MARCHF1: variants seen among roughly 807,000 people sequenced by gnomAD.
MARCHF1 encodes the protein E3 ubiquitin-protein ligase MARCHF1.
MARCHF1 carries 40 observed loss-of-function variants against 54.2 expected under a neutral mutation model. The ratio of observed to expected loss-of-function variants is 0.74; its 90% CI spans 0.57 to 0.96. The LOEUF (loss-of-function observed/expected upper bound fraction) is 0.96. Among genes scored for constraint, MARCHF1 ranks in the 40% least tolerant of loss-of-function variants. The pLI is 0.00. For missense variants in MARCHF1, 586 were observed against 656.5 expected (o/e 0.89, Z 1.17); for synonymous variants, 236 against 236.3 (o/e 1.00, Z 0.01).
At chr4:164,383,636 G>A (rs1731442325) in intron 1 of MARCHF1, 1 of 152,286 alleles carries the variant, frequency 6.6e-6, no homozygotes, top group Non-Finnish European at 1.5e-5. Flanking sequence ...TCTCACCAGA[G>A]AGGCGCCTAC....
Position 163,895,384 on chromosome 4 carries a change from G to A in MARCHF1, c.-38-41215C>T, listed in dbSNP as rs537834589. On this transcript the variant is annotated intron_variant, in intron 3 of 9. Coordinates refer to ENST00000514618, the MANE Select transcript of MARCHF1 (RefSeq NM_001394959.1). ...CTTTCCTGAGATAGCTACACTTCCT[G>A]GATGCTTGATGAACTGGCTGAAAGG... Among the ~76,000 whole-genome samples, 79 of 152,154 alleles carry A rather than the reference G, an allele frequency of 5.2e-4. 1 individual carries two copies. The highest frequency in any genetic ancestry group is 5.6e-4 in the Non-Finnish European group (38 of 68,024).
chr4:163,907,813 G>T (rs1047714859), intron 3 of MARCHF1, among the ~76,000 whole-genome samples: 1 of 152,028 alleles, frequency 6.6e-6, no homozygotes. Context: ...CTTCACCAAG[G>T]TTTATTACTT....
intron 3 of MARCHF1, among the ~76,000 whole-genome samples, chr4:163,933,661 A>C (rs1751730355): frequency 6.6e-6 from 1 of 152,220 alleles, no homozygotes. Context: ...ATTCCCTCCC[A>C]TACTCGTCAG....
At chr4:163,813,290 T>C (rs1748444595) in intron 4 of MARCHF1, among the ~76,000 whole-genome samples, 1 of 152,206 alleles carries the variant, frequency 6.6e-6, no homozygotes, top group Non-Finnish European at 1.5e-5. Flanking sequence ...CTCAAAAATA[T>C]TGACTCAACT....
intron 4 of MARCHF1, among the ~76,000 whole-genome samples, chr4:163,758,718 A>T (rs553470563): frequency 6.6e-6 from 1 of 152,306 alleles, no homozygotes; most frequent in East Asian, 1.9e-4. Context: ...GTCCACCTTG[A>T]CACCTTGAAA....
chr4:163,771,538 A>G (rs1471514498), intron 4 of MARCHF1, among the ~76,000 whole-genome samples: 1 of 152,198 alleles, frequency 6.6e-6, no homozygotes, highest in Non-Finnish European at 1.5e-5. Context: ...GTAGAAAGAC[A>G]AATGAGCTCC....
At chr4:163,741,284 T>C (rs1746187388) in intron 4 of MARCHF1, among the ~76,000 whole-genome samples, 1 of 152,148 alleles carries the variant, frequency 6.6e-6, no homozygotes, top group Non-Finnish European at 1.5e-5. Context: ...ATTGATGTGT[T>C]AGTACCTGTA....
chr4:163,737,180 T>TATTAG, intron 4 of MARCHF1, among the ~76,000 whole-genome samples: 1 of 117,114 alleles, frequency 8.5e-6, no homozygotes, highest in Non-Finnish European at 2.1e-5. Context: ...TTTTTTTTTT[T>TATTAG]TTCACATATT....
In MARCHF1 at chr4:163,525,166, T is replaced by C. The variant is rs555153373; in HGVS notation, c.*3582A>G. ...TTTCAAGGCAAGGAAGGGTAAACTATATGGGGCAGATAGAAAAATCTTCCC... is the reference window on the plus strand; with the variant it reads ...TTTCAAGGCAAGGAAGGGTAAACTACATGGGGCAGATAGAAAAATCTTCCC... On this transcript the variant is annotated 3_prime_UTR_variant, in exon 10 of 10. Transcript: ENST00000514618. 67 of 152,290 alleles carry C rather than the reference T, an allele frequency of 4.4e-4. No homozygotes were observed. The highest frequency in any genetic ancestry group is 1.6e-3 in the African/African-American group (66 of 41,580). The allele number at this position is 152,290 out of a possible 1,614,324, so 9.4% of individuals were successfully genotyped here.
intron 4 of MARCHF1, among the ~76,000 whole-genome samples, chr4:163,835,822 A>G (rs1429498156): frequency 1.3e-5 from 2 of 152,242 alleles, no homozygotes; most frequent in Non-Finnish European, 2.9e-5. Flanking sequence ...ACAAAAGTAC[A>G]TATAACCAGT....
intron 8 of MARCHF1, among the ~76,000 whole-genome samples, chr4:163,552,810 GATCACGAGGTCAGGAGATTGAGACC>G (rs1330747405): frequency 6.6e-6 from 1 of 152,134 alleles, no homozygotes; most frequent in Non-Finnish European, 1.5e-5. Flanking sequence ...CAGGTGGGCA[GATCACGAGGTCAGGAGATTGAGACC>G]ATCCTGGCCA....
At position 163,944,979 on chromosome 4, in the gene MARCHF1, C is replaced by T. The variant is rs1359857435; in HGVS notation, c.-39+43522G>A. Among the ~76,000 whole-genome samples the T allele has an allele frequency of 3.3e-5, 5 of 152,306 alleles. No individual in the cohort carries two copies. The East Asian group carries it at 9.6e-4, about 29-fold the overall frequency. ...AAGCACAGGTTGCTGGTTCATCCTT[C>T]AATCTCCATACATCAGCTAATTGAT... On this transcript the variant is annotated intron_variant, in intron 3 of 9. Coordinates refer to ENST00000514618, the MANE Select transcript of MARCHF1 (RefSeq NM_001394959.1).
At chr4:163,910,853 G>T (rs1231128440) in intron 3 of MARCHF1, among the ~76,000 whole-genome samples, 2 of 152,148 alleles carry the variant, frequency 1.3e-5, no homozygotes, top group African/African-American at 2.4e-5. Flanking sequence ...AAGACAGTTT[G>T]AGTTACCACT....
intron 2 of MARCHF1, among the ~76,000 whole-genome samples, chr4:164,019,241 G>T (rs558564418): frequency 1.3e-5 from 2 of 152,094 alleles, no homozygotes; most frequent in African/African-American, 4.8e-5. Flanking sequence ...CTTCAATTGC[G>T]CTAGGTCTCT....
chr4:163,743,172 G>A (rs1036066616), intron 4 of MARCHF1, among the ~76,000 whole-genome samples: 2 of 152,102 alleles, frequency 1.3e-5, no homozygotes, highest in Non-Finnish European at 2.9e-5. Context: ...GAATCTGGAA[G>A]GAAACAACAG....
intron 4 of MARCHF1, among the ~76,000 whole-genome samples, chr4:163,814,841 T>A (rs779405710): frequency 7.2e-5 from 11 of 152,220 alleles, no homozygotes; most frequent in Non-Finnish European, 1.5e-4. Context: ...ATGTTGAAAT[T>A]ACATAAACAA....
At chr4:163,768,093 A>T (rs1270486847) in intron 4 of MARCHF1, among the ~76,000 whole-genome samples, 2 of 152,294 alleles carry the variant, frequency 1.3e-5, no homozygotes, top group East Asian at 3.9e-4. Context: ...TAAAAGATTT[A>T]AGAAATTTTT....
At chr4:164,348,731 T>G (rs557277741) in intron 1 of MARCHF1, among the ~76,000 whole-genome samples, 23 of 152,274 alleles carry the variant, frequency 1.5e-4, no homozygotes, top group Non-Finnish European at 3.2e-4. Context: ...GGAGACACTA[T>G]TCTCGCCTAG....
intron 1 of MARCHF1, among the ~76,000 whole-genome samples, chr4:164,270,076 C>G (rs1310259546): frequency 6.6e-6 from 1 of 152,076 alleles, no homozygotes; most frequent in Non-Finnish European, 1.5e-5. Flanking sequence ...TTTATGATGG[C>G]TTGAGAAACT....
Sources: allele counts gnomAD v4.1 joint callset (sites outside exome capture counted in the v4.1 genomes callset), GRCh38; gene constraint gnomAD v4.1.1; transcripts MANE v1.5; gene names NCBI Gene and HGNC (gene_info 2026-07-23, HGNC 2026-07-21).